Variants in ZNF280D observed in about 807,000 individuals in gnomAD.
ZNF280D encodes the protein zinc finger protein 280D.
In ZNF280D, 39 loss-of-function variants were observed where a neutral mutation model predicts 94.7. The observed-to-expected ratio is 0.41, with a 90% CI of 0.32 to 0.54. The LOEUF is 0.54. ZNF280D is among the 20% of genes least tolerant of loss of function. The probability of loss-of-function intolerance (pLI) is 0.22; values close to 1 mark genes in which losing one functional copy is unlikely to be tolerated. For synonymous variants in ZNF280D, 398 were observed against 377.6 expected (o/e 1.05, Z -0.63); for missense variants, 1,090 against 1,149.3 (o/e 0.95, Z 0.75).
chr15:56,655,067 T>C (rs2053457679), intron 17 of ZNF280D, among the ~76,000 whole-genome samples: 1 of 152,218 alleles, frequency 6.6e-6, no homozygotes, highest in Non-Finnish European at 1.5e-5. Flanking sequence ...CCATCGATTG[T>C]ACATTATGTG....
intron 1 of ZNF280D, among the ~76,000 whole-genome samples, chr15:56,723,263 A>G (rs1306151580): frequency 6.6e-6 from 1 of 151,966 alleles, no homozygotes; most frequent in Non-Finnish European, 1.5e-5. Flanking sequence ...ATCAAAGTGA[A>G]AAAAATGTGG....
chr15:56,677,476 G>A (rs2055309700), intron 12 of ZNF280D, 98 bp downstream of exon 12: 2 of 762,064 alleles, frequency 2.6e-6, no homozygotes, highest in East Asian at 5.9e-5. Flanking sequence ...GCCAAGTTAT[G>A]CATAAGTTTG....
At chr15:56,647,142 C>CA (rs2052937019) in intron 19 of ZNF280D, among the ~76,000 whole-genome samples, 1 of 152,094 alleles carries the variant, frequency 6.6e-6, no homozygotes, top group South Asian at 2.1e-4. Flanking sequence ...ATCAGAAAGA[C>CA]AAAGGTCTGT....
chr15:56,652,570 C>A (rs2053270214), intron 19 of ZNF280D: 1 of 921,084 alleles, frequency 1.1e-6, no homozygotes, highest in Non-Finnish European at 1.3e-6. Context: ...AAACACATGA[C>A]AAATTTAAAA....
At chr15:56,712,086 G>C (rs1234138600) in intron 1 of ZNF280D, among the ~76,000 whole-genome samples, 1 of 152,130 alleles carries the variant, frequency 6.6e-6, no homozygotes, top group Non-Finnish European at 1.5e-5. Flanking sequence ...TCATTACAGT[G>C]AAATTTCTCA....
chr15:56,640,410 A>G (rs1362686200), intron 20 of ZNF280D, among the ~76,000 whole-genome samples: 2 of 152,106 alleles, frequency 1.3e-5, no homozygotes, highest in East Asian at 3.8e-4. Flanking sequence ...GGTGTGTGCC[A>G]TTGTGCCCAG....
chr15:56,658,755 GAATT>G (rs1160875242), intron 16 of ZNF280D, among the ~76,000 whole-genome samples: 5 of 151,984 alleles, frequency 3.3e-5, no homozygotes, highest in Non-Finnish European at 1.5e-5. Context: ...GAAATACTGA[GAATT>G]AAGAAAATGT....
intron 16 of ZNF280D, among the ~76,000 whole-genome samples, chr15:56,664,647 C>T (rs1360760299): frequency 6.6e-6 from 1 of 151,962 alleles, no homozygotes; most frequent in African/African-American, 2.4e-5. Context: ...CTTTAGGGTA[C>T]TGAAGAAGGA....
chr15:56,707,384 C>T (rs943999886), intron 1 of ZNF280D, 78 bp from the exon 2 acceptor site: 1 of 1,268,262 alleles, frequency 7.9e-7, no homozygotes, highest in African/African-American at 1.5e-5. Flanking sequence ...TTCTCCTATA[C>T]AGAGGTCAAT....
chr15:56,709,707 A>G (rs1429168918), intron 1 of ZNF280D, among the ~76,000 whole-genome samples: 1 of 152,236 alleles, frequency 6.6e-6, no homozygotes, highest in Non-Finnish European at 1.5e-5. Flanking sequence ...ATGTCTTTGT[A>G]GGCACATGGA....
intron 20 of ZNF280D, among the ~76,000 whole-genome samples, chr15:56,636,410 T>C (rs1177164774): frequency 6.6e-6 from 1 of 151,946 alleles, no homozygotes; most frequent in Non-Finnish European, 1.5e-5. Context: ...TAAATGCTCC[T>C]TCCCCGCAAC....
intron 1 of ZNF280D, among the ~76,000 whole-genome samples, chr15:56,722,397 CAAGTG>C (rs545403958): frequency 1.4e-4 from 22 of 152,278 alleles, no homozygotes; most frequent in African/African-American, 5.1e-4. Context: ...CAAACCACAA[CAAGTG>C]AAGTAGAATA....
intron 20 of ZNF280D, among the ~76,000 whole-genome samples, chr15:56,638,088 G>C (rs981415559): frequency 1.3e-4 from 20 of 151,856 alleles, no homozygotes; most frequent in Admixed American, 1.2e-3. Context: ...TTTTCTTTTT[G>C]AAAAATTAAC....
intron 1 of ZNF280D, among the ~76,000 whole-genome samples, chr15:56,725,587 C>T (rs1596700972): frequency 6.6e-6 from 1 of 152,028 alleles, no homozygotes; most frequent in South Asian, 2.1e-4. Context: ...GAAGAAAATA[C>T]AGCTTCACAG....
chr15:56,706,133 G>T (rs577908253), intron 3 of ZNF280D, among the ~76,000 whole-genome samples: 2 of 131,688 alleles, frequency 1.5e-5, no homozygotes, highest in Non-Finnish European at 3.2e-5. Context: ...TAGAAGAGGA[G>T]ATTAGGACAC....
chr15:56,660,084 TA>T (rs2053832242), intron 16 of ZNF280D, among the ~76,000 whole-genome samples: 1 of 152,018 alleles, frequency 6.6e-6, no homozygotes, highest in African/African-American at 2.4e-5. Context: ...TTTAAGATGG[TA>T]TCACAAAAAC....
At chr15:56,635,552 T>C (rs556772127) in intron 20 of ZNF280D, 98 of 153,712 alleles carry the variant, frequency 6.4e-4, no homozygotes, top group Non-Finnish European at 1.3e-3. Context: ...ATGTGGATCA[T>C]AATTACAATT....
At chr15:56,664,965 G>A (rs1267267101) in intron 16 of ZNF280D, among the ~76,000 whole-genome samples, 1 of 152,030 alleles carries the variant, frequency 6.6e-6, no homozygotes, top group Non-Finnish European at 1.5e-5. Context: ...TCAAAGCTCT[G>A]AACATCATGG....
chr15:56,720,603 A>C (rs774134704), intron 1 of ZNF280D, among the ~76,000 whole-genome samples: 6 of 152,222 alleles, frequency 3.9e-5, no homozygotes, highest in Non-Finnish European at 8.8e-5. Context: ...GAGAAATCAT[A>C]ATCTACAGCA....
Sources: allele counts gnomAD v4.1 joint callset (sites outside exome capture counted in the v4.1 genomes callset), GRCh38; gene constraint gnomAD v4.1.1; transcripts MANE v1.5; gene names NCBI Gene and HGNC (gene_info 2026-07-23, HGNC 2026-07-21).